CGRRF1: variants seen among roughly 807,000 people sequenced by gnomAD.
The protein encoded by CGRRF1 is cell growth regulator with RING finger domain protein 1.
Under a neutral mutation model 37.2 loss-of-function variants are expected in CGRRF1, and 32 were observed. The observed-to-expected ratio is 0.86, with a 90% CI of 0.65 to 1.16. The LOEUF (loss-of-function observed/expected upper bound fraction) is 1.16, where lower values mean the gene tolerates loss of function less well. Among genes scored for constraint, CGRRF1 ranks in the 50% most tolerant of loss-of-function variants. CGRRF1 has a pLI of 0.00. For missense variants in CGRRF1, 391 were observed against 382.6 expected (o/e 1.02, Z -0.18); for synonymous variants, 141 against 140.3 (o/e 1.00, Z -0.04).
chr14:54,526,144 ATTTTTT>A (rs745596386), intron 2 of CGRRF1, among the ~76,000 whole-genome samples: 191 of 107,076 alleles, frequency 1.8e-3, no homozygotes, highest in African/African-American at 6.6e-3. Context: ...TATATTTAAG[ATTTTTT>A]TTTTTTTTTT....
chr14:54,511,931 TC>T (rs2032136064), intron 1 of CGRRF1, among the ~76,000 whole-genome samples: 1 of 152,204 alleles, frequency 6.6e-6, no homozygotes, highest in Non-Finnish European at 1.5e-5. Flanking sequence ...ATTCTCTCCA[TC>T]CGAGTTAGTT....
intron 4 of CGRRF1, 48 bp downstream of exon 4, chr14:54,531,098 G>C (rs748268145): frequency 1.5e-6 from 2 of 1,367,032 alleles, no homozygotes; most frequent in South Asian, 2.6e-5. Context: ...TGATTTGAAT[G>C]GTGGTTCTTC....
In CGRRF1 at chr14:54,509,928, T is replaced by A; in HGVS notation, c.-32T>A. On this transcript the variant is annotated 5_prime_UTR_variant, in exon 1 of 6. Coordinates refer to ENST00000216420, the MANE Select transcript of CGRRF1 (RefSeq NM_006568.3). ...GCCGGGCTGGGCTGGGCTCCGCGGCTGGAGCCGGGCTCTACCCAGAGCAAG... is the reference window on the plus strand; with the variant it reads ...GCCGGGCTGGGCTGGGCTCCGCGGCAGGAGCCGGGCTCTACCCAGAGCAAG... 1 of 1,539,328 alleles carries A rather than the reference T, an allele frequency of 6.5e-7. No individual in the cohort carries two copies. The highest frequency in any genetic ancestry group is 9.0e-7 in the Non-Finnish European group (1 of 1,112,694).
chr14:54,518,281 C>T (rs948207817), intron 1 of CGRRF1, among the ~76,000 whole-genome samples: 22 of 152,164 alleles, frequency 1.4e-4, no homozygotes, highest in African/African-American at 5.1e-4. Context: ...CGCAGTGGCT[C>T]ATGCCTGTAA....
chr14:54,537,100 C>T (rs2032612365), intron 4 of CGRRF1: 1 of 152,146 alleles, frequency 6.6e-6, no homozygotes, highest in Admixed American at 6.5e-5. Flanking sequence ...GATTTGACAT[C>T]ACACCTTTAT....
intron 1 of CGRRF1, 106 bp downstream of exon 1, chr14:54,510,169 C>T (rs1436876081): frequency 3.8e-6 from 3 of 788,626 alleles, no homozygotes; most frequent in Non-Finnish European, 6.4e-6. Flanking sequence ...CGGAGGACGT[C>T]GGGGATTCGG....
At position 54,530,914 on chromosome 14, in the gene CGRRF1, A is replaced by G; in HGVS notation, c.434A>G (p.Asp145Gly). Residue 145 changes from aspartate to glycine, a missense_variant, in exon 4 of 6, where the codon GAT becomes GGT. Transcript: ENST00000216420. ...LYQEQYFIKK[D>G]SKEEIYCQLP... is the part of the protein sequence containing the mutation. Reference sequence around the variant, plus strand: ...ACATTTTCAAAAAGTATTAAAAAGGATAGCAAAGAAGAAATATATTGCCAG... The same window carrying G: ...ACATTTTCAAAAAGTATTAAAAAGGGTAGCAAAGAAGAAATATATTGCCAG... 5 of 1,592,090 alleles carry G rather than the reference A, an allele frequency of 3.1e-6. No homozygotes were observed. Among genetic ancestry groups the G allele is most frequent in the Non-Finnish European group, 4.3e-6 (5 of 1,160,790 alleles).
chr14:54,530,035 T>C lies in CGRRF1; in HGVS notation c.245-14T>C, dbSNP rs1265398501. ...ATTAAATCACTTTCATTCTTTCTCC[T>C]TTGTTTTTTACAGCTGGCATAACCT... is the stretch of plus-strand genomic sequence containing the variant. On this transcript the variant is annotated splice_polypyrimidine_tract_variant and intron_variant, in intron 2 of 5. Transcript: ENST00000216420. 1 of 1,593,104 alleles carries C rather than the reference T, an allele frequency of 6.3e-7. No individual in the cohort carries two copies. Among genetic ancestry groups the C allele is most frequent in the Non-Finnish European group, 8.6e-7 (1 of 1,164,664 alleles).
At chr14:54,510,670 A>AT (rs1321368719) in intron 1 of CGRRF1, among the ~76,000 whole-genome samples, 2 of 152,250 alleles carry the variant, frequency 1.3e-5, no homozygotes, top group Non-Finnish European at 2.9e-5. Flanking sequence ...CCTTAGAAAT[A>AT]TGTAACACCG....
chr14:54,535,846 G>A (rs1406088555), intron 4 of CGRRF1, among the ~76,000 whole-genome samples: 1 of 152,082 alleles, frequency 6.6e-6, no homozygotes, highest in Non-Finnish European at 1.5e-5. Flanking sequence ...TTGCTTATCT[G>A]TTGTCTCTAT....
At chr14:54,527,783 G>A (rs202226452) in intron 2 of CGRRF1, among the ~76,000 whole-genome samples, 1 of 143,496 alleles carries the variant, frequency 7.0e-6, no homozygotes, top group Non-Finnish European at 1.5e-5. Flanking sequence ...TTTTGAAACA[G>A]GGTCTCACTC....
chr14:54,531,049 T>C lies in CGRRF1; in HGVS notation c.569T>C (p.Ile190Thr). 6.2e-7 allele frequency: 1 copy of C among 1,600,074 alleles called. No individual in the cohort carries two copies. Among genetic ancestry groups the C allele is most frequent in the African/African-American group, 1.3e-5 (1 of 74,270 alleles). ...ADEDDREIYD[I>T]ISMVSVIHIP... Reference sequence around the variant, plus strand: ...GAGGATGACCGGGAAATTTATGATATTGTAAGTAATTGAAAATTTTGAAAG... The same window carrying C: ...GAGGATGACCGGGAAATTTATGATACTGTAAGTAATTGAAAATTTTGAAAG... The change falls in exon 4 of 6, where the codon ATT becomes ACT. Residue 190 changes from isoleucine (I) to threonine (T), a missense_variant and splice_region_variant. Physicochemically the swap from Ile to Thr is moderately conservative, Grantham distance 89 (BLOSUM62 -1). Transcript: ENST00000216420.
chr14:54,517,544 GTTATCAC>G (rs2032238536), intron 1 of CGRRF1, among the ~76,000 whole-genome samples: 1 of 151,946 alleles, frequency 6.6e-6, no homozygotes, highest in Admixed American at 6.6e-5. Flanking sequence ...TTCTCCCTTT[GTTATCAC>G]CCTCACTGTT....
intron 1 of CGRRF1, among the ~76,000 whole-genome samples, chr14:54,517,500 A>G (rs1273967054): frequency 6.6e-6 from 1 of 152,110 alleles, no homozygotes; most frequent in Non-Finnish European, 1.5e-5. Flanking sequence ...TTCAACCTAA[A>G]TTTTAGTGGA....
At position 54,538,619 on chromosome 14, in the gene CGRRF1, T is replaced by G; in HGVS notation, c.*236T>G. 6.0e-6 allele frequency: 2 copies of G among 331,306 alleles called. No homozygotes were observed. Among genetic ancestry groups the G allele is most frequent in the Non-Finnish European group, 1.1e-5 (2 of 183,034 alleles). 20.5% of individuals were successfully genotyped at this position (331,306 alleles called of 1,614,324 possible). A position where few individuals can be genotyped will look rare whatever the true frequency, so the allele number is the denominator to read the frequency against. On this transcript the variant is annotated 3_prime_UTR_variant, in exon 6 of 6. Transcript: ENST00000216420. ...ATTCATTCAACTCTTGAAAAGAATC[T>G]AAGAGTTTGGCCTTTTATTAGCTAG...
chr14:54,513,179 A>G (rs998750193), intron 1 of CGRRF1, among the ~76,000 whole-genome samples: 1 of 152,202 alleles, frequency 6.6e-6, no homozygotes, highest in Admixed American at 6.5e-5. Context: ...TCAAAGATAG[A>G]ATTTGGGGGC....
intron 1 of CGRRF1, among the ~76,000 whole-genome samples, chr14:54,514,090 GT>G (rs1217089664): frequency 2.0e-5 from 3 of 152,118 alleles, no homozygotes; most frequent in Non-Finnish European, 4.4e-5. Context: ...ACCTAGGGTA[GT>G]TTCTTTGCAA....
At chr14:54,512,209 C>T (rs749189580) in intron 1 of CGRRF1, among the ~76,000 whole-genome samples, 2 of 152,186 alleles carry the variant, frequency 1.3e-5, no homozygotes, top group Non-Finnish European at 2.9e-5. Context: ...TCCCTTGGTA[C>T]TTCTCTGAGT....
At chr14:54,522,426 T>C in intron 1 of CGRRF1, 28 bp from the exon 2 acceptor site, 1 of 1,435,876 alleles carries the variant, frequency 7.0e-7, no homozygotes, top group Non-Finnish European at 9.3e-7. Flanking sequence ...TTTGTTAAAA[T>C]AATATTTTAT....
Sources: gnomAD v4.1 joint callset for allele counts (sites outside exome capture counted in the v4.1 genomes callset) on GRCh38, gnomAD v4.1.1 for gene constraint, MANE v1.5 for transcripts, NCBI Gene and HGNC (gene_info 2026-07-23, HGNC 2026-07-21) for gene names.